The following CLVS1 variants were observed in gnomAD, a reference collection of about 807,000 sequenced individuals.
CLVS1 encodes clavesin 1.
Under a neutral mutation model 33.1 loss-of-function variants are expected in CLVS1, and 10 were observed. The ratio of observed to expected loss-of-function variants is 0.30; its 90% CI spans 0.19 to 0.51. CLVS1 has a LOEUF of 0.51. CLVS1 is among the 20% of genes least tolerant of loss of function. The pLI, the probability that CLVS1 is intolerant of heterozygous loss-of-function variation, is 0.97. For missense variants in CLVS1, 343 were observed against 433.4 expected (o/e 0.79, Z 1.85); for synonymous variants, 163 against 166.1 (o/e 0.98, Z 0.14).
At chr8:61,216,148 T>C (rs17765747) in intron 2 of CLVS1, among the ~76,000 whole-genome samples, 12,529 of 152,212 alleles carry the variant, frequency 0.082, 994 homozygotes, top group African/African-American at 0.21. Context: ...TAATAAATAG[T>C]GTTGCCATCT....
rs538619178 is a variant in CLVS1, at chr8:61,389,316, G to A, written c.630+12537G>A. On this transcript the variant is annotated intron_variant, in intron 3 of 5. Coordinates refer to ENST00000325897, the MANE Select transcript of CLVS1 (RefSeq NM_173519.3). ...GCCCTTTGGGAGGCCGAGGCGGGTG[G>A]GTCACAAGGTCAGGAGATGGAGACC... 3.2e-4 allele frequency among the ~76,000 whole-genome samples: 48 copies of A among 152,092 alleles called. 1 individual carries two copies. The highest frequency in any genetic ancestry group is 1.4e-3 in the Admixed American group (22 of 15,280).
At chr8:61,103,248 G>A (rs188117160) in intron 1 of CLVS1, among the ~76,000 whole-genome samples, 6 of 152,160 alleles carry the variant, frequency 3.9e-5, no homozygotes, top group African/African-American at 1.4e-4. Context: ...AGATCTAGGT[G>A]TAAATGAGGG....
chr8:61,280,009 C>T (rs1809638592), intron 2 of CLVS1, among the ~76,000 whole-genome samples: 1 of 151,998 alleles, frequency 6.6e-6, no homozygotes, highest in African/African-American at 2.4e-5. Context: ...ATCAGCATAA[C>T]AAATATTTTC....
intron 1 of CLVS1, among the ~76,000 whole-genome samples, chr8:61,130,160 C>T (rs569535895): frequency 3.3e-5 from 5 of 151,760 alleles, no homozygotes; most frequent in Admixed American, 2.0e-4. Context: ...ATTGCTTGAG[C>T]CTGGGAGGTG....
At chr8:61,034,340 TTAAC>T in the CLVS1 span, among the ~76,000 whole-genome samples, 4 of 151,648 alleles carry the variant, frequency 2.6e-5, no homozygotes, top group Non-Finnish European at 4.4e-5. Context: ...ATCAAGCTAA[TTAAC>T]ATGTCCATCA....
At chr8:61,453,637 A>G (rs931417170) in intron 3 of CLVS1, among the ~76,000 whole-genome samples, 2 of 152,112 alleles carry the variant, frequency 1.3e-5, no homozygotes, top group Non-Finnish European at 2.9e-5. Flanking sequence ...ATCTCCTAAG[A>G]GCCTTTGAAA....
In CLVS1 at chr8:61,441,283, C is replaced by T. The variant is rs150939230; in HGVS notation, c.631-12858C>T. Among the ~76,000 whole-genome samples, 668 of 152,282 alleles carry T rather than the reference C, an allele frequency of 4.4e-3. 6 individuals are homozygous for T. The highest frequency in any genetic ancestry group is 0.015 in the African/African-American group (637 of 41,560). ...CAGGTATGTGACTGAAGGACTCCTC[C>T]GCCCAAGCCCTGAAAGACGGTCCTC... On this transcript the variant is annotated intron_variant, in intron 3 of 5. Transcript: ENST00000325897.
At chr8:61,037,731 C>G in the CLVS1 span, among the ~76,000 whole-genome samples, 1 of 152,230 alleles carries the variant, frequency 6.6e-6, no homozygotes, top group Non-Finnish European at 1.5e-5. Flanking sequence ...CTCGCTATCT[C>G]CGAGTGCCAG....
chr8:61,246,167 C>CTTTTTTTTTTTTTTTTTTTTTTTT (rs1188366643), intron 2 of CLVS1, among the ~76,000 whole-genome samples: 1 of 82,210 alleles, frequency 1.2e-5, no homozygotes, highest in Non-Finnish European at 2.3e-5. Context: ...TCCTTCCCAA[C>CTTTTTTTTTTTTTTTTTTTTTTTT]TTTTTTTTTT....
chr8:61,192,971 A>G (rs568380465), intron 2 of CLVS1, among the ~76,000 whole-genome samples: 10 of 152,346 alleles, frequency 6.6e-5, no homozygotes, highest in Middle Eastern at 3.4e-3. Flanking sequence ...GCAATTCCTC[A>G]AGGATCTAGA....
intron 2 of CLVS1, among the ~76,000 whole-genome samples, chr8:61,207,453 C>A (rs537712324): frequency 2.6e-5 from 4 of 152,212 alleles, no homozygotes; most frequent in Non-Finnish European, 5.9e-5. Context: ...GCAGAGGTGA[C>A]CCCAGCATCC....
At chr8:61,139,451 C>T (rs1256464220) in intron 2 of CLVS1, among the ~76,000 whole-genome samples, 1 of 152,320 alleles carries the variant, frequency 6.6e-6, no homozygotes, top group East Asian at 1.9e-4. Context: ...ACCTTCTCCG[C>T]GCTTTAAGAT....
At chr8:61,272,753 A>G (rs1809473373) in intron 2 of CLVS1, among the ~76,000 whole-genome samples, 1 of 152,082 alleles carries the variant, frequency 6.6e-6, no homozygotes, top group African/African-American at 2.4e-5. Flanking sequence ...TTCATCTTCC[A>G]TCACTGATAC....
chr8:61,050,915 C>A, the CLVS1 span, among the ~76,000 whole-genome samples: 54 of 152,224 alleles, frequency 3.5e-4, no homozygotes, highest in Non-Finnish European at 1.5e-5. Context: ...TTCCCTGCCA[C>A]CCCTGGGAAA....
At chr8:61,035,762 A>T in the CLVS1 span, among the ~76,000 whole-genome samples, 1 of 152,216 alleles carries the variant, frequency 6.6e-6, no homozygotes, top group Non-Finnish European at 1.5e-5. Flanking sequence ...TCTTAAAGGG[A>T]GTAAAGTGCT....
chr8:61,128,848 G>C (rs920259314), intron 1 of CLVS1, among the ~76,000 whole-genome samples: 2 of 152,228 alleles, frequency 1.3e-5, no homozygotes, highest in Admixed American at 1.3e-4. Flanking sequence ...GAGTGGATCT[G>C]ATCTCAGTTT....
At chr8:61,256,304 G>A (rs1409757443) in intron 2 of CLVS1, among the ~76,000 whole-genome samples, 1 of 152,214 alleles carries the variant, frequency 6.6e-6, no homozygotes, top group Non-Finnish European at 1.5e-5. Context: ...CACGATGTCA[G>A]GAGATCAAGA....
chr8:61,255,294 C>A (rs1232809026), intron 2 of CLVS1, among the ~76,000 whole-genome samples: 1 of 152,184 alleles, frequency 6.6e-6, no homozygotes, highest in Non-Finnish European at 1.5e-5. Flanking sequence ...CTAAAGCAGA[C>A]ACTAAACATC....
At chr8:61,136,706 G>A (rs1427324511) in intron 2 of CLVS1, among the ~76,000 whole-genome samples, 2 of 152,168 alleles carry the variant, frequency 1.3e-5, no homozygotes, top group African/African-American at 4.8e-5. Flanking sequence ...GTGGGAGGAG[G>A]GAGAGGATCA....
Sources: allele counts gnomAD v4.1 joint callset (sites outside exome capture counted in the v4.1 genomes callset), GRCh38; gene constraint gnomAD v4.1.1; transcripts MANE v1.5; gene names NCBI Gene and HGNC (gene_info 2026-07-23, HGNC 2026-07-21).